Variants in GON4L observed in about 807,000 individuals in gnomAD.
GON4L encodes the protein GON-4-like protein.
GON4L carries 87 observed loss-of-function variants against 211.8 expected under a neutral mutation model. That is an observed-to-expected ratio of 0.41 (90% confidence interval 0.35 to 0.49). GON4L has a LOEUF of 0.49. GON4L is among the 20% of genes least tolerant of loss of function. The pLI, the probability that GON4L is intolerant of heterozygous loss-of-function variation, is 0.15. For synonymous variants in GON4L, 875 were observed against 962.6 expected (o/e 0.91, Z 1.68); for missense variants, 2,155 against 2,659.5 (o/e 0.81, Z 4.17).
intron 10 of GON4L, among the ~76,000 whole-genome samples, chr1:155,807,277 G>A (rs551653782): frequency 6.6e-6 from 1 of 152,196 alleles, no homozygotes; most frequent in African/African-American, 2.4e-5. Context: ...GCATATGCCT[G>A]TAGTTCCAGC....
In GON4L at chr1:155,751,977, C is replaced by T. The variant is rs1553194516; in HGVS notation, c.6456G>A (p.Lys2152=). 5 of 1,612,264 alleles carry T rather than the reference C, an allele frequency of 3.1e-6. No homozygotes were observed. Among genetic ancestry groups the T allele is most frequent in the Non-Finnish European group, 4.2e-6 (5 of 1,178,524 alleles). The change falls in exon 30 of 32, where the codon AAG becomes AAA. Residue 2152 remains lysine, a synonymous_variant. Coordinates refer to ENST00000368331, the MANE Select transcript of GON4L (RefSeq NM_001282860.2). ...TTACCTACCTTGTCCACAGGACAAC[C>T]TTTTCCCCAGTGGAGCTGACCTTGC... ...NNSKVSSTGE[K]VVLWTREADR...
intron 2 of GON4L, among the ~76,000 whole-genome samples, chr1:155,844,817 C>T (rs1671078670): frequency 1.3e-5 from 2 of 152,140 alleles, no homozygotes; most frequent in African/African-American, 4.8e-5. Context: ...CTGGTTTCTA[C>T]TCTTTTTAGG....
intron 2 of GON4L, among the ~76,000 whole-genome samples, chr1:155,827,701 A>ACAC (rs1557906902): frequency 1.3e-3 from 24 of 19,138 alleles, no homozygotes; most frequent in South Asian, 7.5e-3. Context: ...CACACACACA[A>ACAC]AAAAAAAAGC....
downstream of GON4L, chr1:155,747,794 C>T: frequency 2.5e-6 from 4 of 1,613,100 alleles, no homozygotes; most frequent in Non-Finnish European, 3.4e-6. Context: ...TGCACGATGG[C>T]TTCTCTGGGG....
At chr1:155,770,086 A>G (rs1663030736) in intron 19 of GON4L, among the ~76,000 whole-genome samples, 1 of 150,788 alleles carries the variant, frequency 6.6e-6, no homozygotes, top group East Asian at 1.9e-4. Context: ...TGGCTCATGC[A>G]TATAATCCCC....
intron 3 of GON4L, among the ~76,000 whole-genome samples, chr1:155,826,475 A>C (rs1447610517): frequency 2.6e-5 from 4 of 151,898 alleles, no homozygotes; most frequent in Non-Finnish European, 5.9e-5. Context: ...CTGAGGCAGA[A>C]GAATCACTTG....
chr1:155,774,674 T>C (rs894946150), intron 17 of GON4L: 2 of 411,066 alleles, frequency 4.9e-6, no homozygotes, highest in African/African-American at 4.1e-5. Flanking sequence ...ACTTTCATCT[T>C]TACCAGGCCC....
chr1:155,766,133 A>T lies in GON4L; in HGVS notation c.3340T>A (p.Tyr1114Asn), dbSNP rs1436992926. 6.2e-7 allele frequency: 1 copy of T among 1,613,978 alleles called. No individual in the cohort carries two copies. Among genetic ancestry groups the T allele is most frequent in the African/African-American group, 1.3e-5 (1 of 74,890 alleles). The change falls in exon 21 of 32, where the codon TAT becomes AAT. Residue 1114 changes from tyrosine to asparagine, a missense_variant. Tyr to Asn is a moderately radical substitution (Grantham distance 143). This residue lies in a region of GON4L where 615 missense variants were observed against 625.7 expected (regional missense o/e 0.98). Transcript: ENST00000368331. ...SLAPSKFRKP[Y>N]VRRRPSKRRG... ...CTCTTTGAGGGTCTCCGTCTCACATATGGCTTTCGAAACTTAGAAGGGGCA... is the reference window on the plus strand; with the variant it reads ...CTCTTTGAGGGTCTCCGTCTCACATTTGGCTTTCGAAACTTAGAAGGGGCA...
chr1:155,807,394 T>C (rs774143907), intron 10 of GON4L, among the ~76,000 whole-genome samples: 2 of 151,974 alleles, frequency 1.3e-5, no homozygotes, highest in Non-Finnish European at 2.9e-5. Flanking sequence ...AGAGCAAGAC[T>C]CTTATTTAAA....
chr1:155,793,351 G>C (rs953629199), intron 12 of GON4L, among the ~76,000 whole-genome samples: 2 of 152,132 alleles, frequency 1.3e-5, no homozygotes, highest in African/African-American at 4.8e-5. Flanking sequence ...CTAAAGGATT[G>C]TATTTACATA....
chr1:155,764,439 T>TC (rs1662208174), intron 21 of GON4L: 1 of 4,964 alleles, frequency 2.0e-4, no homozygotes, highest in African/African-American at 2.2e-4. Flanking sequence ...TTTTTTTTTT[T>TC]TTTTTTTTTT....
chr1:155,772,964 G>A lies in GON4L; in HGVS notation c.2495+102C>T, dbSNP rs867105991. 104 of 1,448,914 alleles carry A rather than the reference G, an allele frequency of 7.2e-5. 1 individual carries two copies. Among genetic ancestry groups the A allele is most frequent in the South Asian group, 5.9e-4 (51 of 86,836 alleles). 89.8% of individuals were successfully genotyped at this position (1,448,914 alleles called of 1,614,324 possible). A position where few individuals can be genotyped will look rare whatever the true frequency, so the allele number is the denominator to read the frequency against. The stretch of plus-strand genomic sequence containing the variant: ...GCTTTTCCTTTTGTCTTTTGTGTCC[G>A]TGTCTTATTATACAAGTCTTACTTC... On this transcript the variant is annotated intron_variant, in intron 18 of 31. Coordinates refer to ENST00000368331, the MANE Select transcript of GON4L (RefSeq NM_001282860.2).
chr1:155,803,631 T>A (rs983318940), intron 11 of GON4L, among the ~76,000 whole-genome samples: 1 of 152,202 alleles, frequency 6.6e-6, no homozygotes, highest in Non-Finnish European at 1.5e-5. Flanking sequence ...GGTCACCACA[T>A]ACTTCAACCA....
chr1:155,791,675 C>A (rs1665577226), intron 12 of GON4L, among the ~76,000 whole-genome samples: 1 of 151,854 alleles, frequency 6.6e-6, no homozygotes, highest in South Asian at 2.1e-4. Flanking sequence ...CAAGACCAGC[C>A]TGGCCAACCT....
rs879451384 is a variant in GON4L at position 155,759,574 on chromosome 1, C to CA, written c.5109+869dup. Among the ~76,000 whole-genome samples, 1,010 of 140,634 alleles carry CA rather than the reference C, an allele frequency of 7.2e-3. 6 individuals carry two copies. Among genetic ancestry groups the CA allele is most frequent in the East Asian group, 0.02 (97 of 4,864 alleles). The allele number at this position is 140,634 out of a possible 152,430, so 92.3% of individuals were successfully genotyped here. On this transcript the variant is annotated intron_variant, in intron 24 of 31. Transcript: ENST00000368331. ...GGGCAACAAGAGTGAAACTCCATCT[C>CA]AAAAAAAAAAAAATTTTTTTTTTTG...
At chr1:155,807,091 C>CAAA (rs5777956) in intron 10 of GON4L, among the ~76,000 whole-genome samples, 16 of 119,464 alleles carry the variant, frequency 1.3e-4, no homozygotes, top group Admixed American at 2.6e-4. Flanking sequence ...AGAGACATCT[C>CAAA]AAAAAAAAAA....
Position 155,825,470 on chromosome 1 carries a change from G to A in GON4L, c.697+1367C>T, listed in dbSNP as rs539440788. Among the ~76,000 whole-genome samples the A allele has an allele frequency of 2.8e-4, 42 of 151,838 alleles. No homozygotes were observed. In the South Asian group the frequency reaches 5.2e-3, roughly 19 times the overall value. The stretch of plus-strand genomic sequence containing the variant: ...GCCAGTAATCCCAGCTACCCAGGAG[G>A]CTGAGGCAGGAGAATCGCTGGAACC... On this transcript the variant is annotated intron_variant, in intron 3 of 31. Transcript: ENST00000368331.
At chr1:155,807,730 A>AAAAAAAAAAAAAC (rs1395575383) in intron 10 of GON4L, among the ~76,000 whole-genome samples, 3 of 143,798 alleles carry the variant, frequency 2.1e-5, no homozygotes, top group Non-Finnish European at 3.0e-5. Context: ...AAAAAAGAAA[A>AAAAAAAAAAAAAC]TCAGAAAGTG....
At chr1:155,836,134 A>T (rs1488357571) in intron 2 of GON4L, among the ~76,000 whole-genome samples, 1 of 152,082 alleles carries the variant, frequency 6.6e-6, no homozygotes, top group African/African-American at 2.4e-5. Context: ...AGTCCCAGGT[A>T]CTTGGGAGGC....
Sources: gnomAD v4.1 joint callset for allele counts (sites outside exome capture counted in the v4.1 genomes callset) on GRCh38, gnomAD v4.1.1 for gene constraint, gnomAD v4.1.1 regional missense constraint, MANE v1.5 for transcripts, NCBI Gene and HGNC (gene_info 2026-07-23, HGNC 2026-07-21) for gene names.